The following PCDH15 variants were observed in gnomAD, a reference collection of about 807,000 sequenced individuals.
PCDH15 encodes the protein protocadherin-15.
PCDH15 carries 129 observed loss-of-function variants against 178.5 expected under a neutral mutation model. The observed-to-expected ratio is 0.72, with a 90% CI of 0.63 to 0.84. The LOEUF (loss-of-function observed/expected upper bound fraction) is 0.84, where lower values mean the gene tolerates loss of function less well. Ranked by LOEUF, PCDH15 falls within the 40% of genes least tolerant of loss-of-function variation. PCDH15 has a pLI of 0.00. For synonymous variants in PCDH15, 800 were observed against 732.0 expected (o/e 1.09, Z -1.50); for missense variants, 2,230 against 2,099.9 (o/e 1.06, Z -1.21).
intron 27 of PCDH15, among the ~76,000 whole-genome samples, chr10:53,865,018 T>C (rs984904009): frequency 3.9e-5 from 6 of 152,020 alleles, no homozygotes; most frequent in Non-Finnish European, 5.9e-5. Flanking sequence ...GGAGGATTGC[T>C]TGAGCCCAGG....
intron 2 of PCDH15, among the ~76,000 whole-genome samples, chr10:55,018,265 G>A (rs1034796750): frequency 1.3e-5 from 2 of 151,992 alleles, no homozygotes; most frequent in Non-Finnish European, 2.9e-5. Flanking sequence ...TTGTCTTTCA[G>A]TACAAAGAGC....
chr10:54,343,288 G>A (rs1422837302), intron 6 of PCDH15, among the ~76,000 whole-genome samples: 1 of 152,066 alleles, frequency 6.6e-6, no homozygotes, highest in Non-Finnish European at 1.5e-5. Flanking sequence ...TTGTGAGAGT[G>A]AGGGCATTCT....
At chr10:55,158,688 C>A in intron 2 of PCDH15, among the ~76,000 whole-genome samples, 1 of 90,676 alleles carries the variant, frequency 1.1e-5, no homozygotes, top group East Asian at 3.5e-4. Flanking sequence ...TCAATTTGTT[C>A]TAAGTAAAAA....
At chr10:54,724,285 A>G (rs983419069) in intron 1 of PCDH15, among the ~76,000 whole-genome samples, 1 of 151,690 alleles carries the variant, frequency 6.6e-6, no homozygotes, top group Non-Finnish European at 1.5e-5. Context: ...CTCAGAAAAT[A>G]AAATATTCCA....
chr10:54,291,849 G>T (rs1223684065), intron 8 of PCDH15, among the ~76,000 whole-genome samples: 1 of 151,936 alleles, frequency 6.6e-6, no homozygotes, highest in African/African-American at 2.4e-5. Context: ...AACCAAAAAA[G>T]GTCCAGGGCC....
chr10:54,743,808 T>A (rs1178447317), intron 1 of PCDH15, among the ~76,000 whole-genome samples: 1 of 146,656 alleles, frequency 6.8e-6, no homozygotes, highest in Non-Finnish European at 1.5e-5. Flanking sequence ...AATATTAGAT[T>A]TAGAAAAAAG....
chr10:54,053,788 G>A (rs2093827522), intron 18 of PCDH15, among the ~76,000 whole-genome samples: 1 of 152,126 alleles, frequency 6.6e-6, no homozygotes, highest in South Asian at 2.1e-4. Context: ...TAAGTTATTT[G>A]TTAGTTAGAG....
intron 2 of PCDH15, among the ~76,000 whole-genome samples, chr10:54,578,583 C>A (rs996624380): frequency 2.0e-5 from 3 of 152,024 alleles, no homozygotes; most frequent in Non-Finnish European, 4.4e-5. Context: ...AGTCAGTTAG[C>A]TGGTGTCAGT....
chr10:53,835,260 A>C (rs1183256403), intron 29 of PCDH15, among the ~76,000 whole-genome samples: 1 of 152,058 alleles, frequency 6.6e-6, no homozygotes, highest in Non-Finnish European at 1.5e-5. Flanking sequence ...GCAGTGTATA[A>C]AGTCTTTTTC....
chr10:55,157,923 G>C (rs1321216319), intron 2 of PCDH15, among the ~76,000 whole-genome samples: 7 of 148,378 alleles, frequency 4.7e-5, no homozygotes, highest in Non-Finnish European at 8.9e-5. Flanking sequence ...CATGCATGTT[G>C]TGCACATGTA....
intron 3 of PCDH15, among the ~76,000 whole-genome samples, chr10:54,880,173 T>C (rs1329607995): frequency 6.6e-6 from 1 of 152,126 alleles, no homozygotes; most frequent in Non-Finnish European, 1.5e-5. Context: ...ACTGTGAATA[T>C]TTCCCTGAAC....
At chr10:54,985,034 C>T (rs907803896) in intron 2 of PCDH15, among the ~76,000 whole-genome samples, 3 of 152,100 alleles carry the variant, frequency 2.0e-5, no homozygotes, top group Admixed American at 6.6e-5. Flanking sequence ...ACACCCTTTC[C>T]ACCCTCCCAG....
chr10:55,054,807 A>G (rs1486667936), intron 2 of PCDH15, among the ~76,000 whole-genome samples: 1 of 152,154 alleles, frequency 6.6e-6, no homozygotes, highest in Non-Finnish European at 1.5e-5. Context: ...GGCCACATAT[A>G]TGGTTTCTTT....
At chr10:54,751,028 A>C (rs1341027797) in intron 1 of PCDH15, among the ~76,000 whole-genome samples, 1 of 152,148 alleles carries the variant, frequency 6.6e-6, no homozygotes, top group Non-Finnish European at 1.5e-5. Context: ...CACATTTAAA[A>C]GAAATACCAG....
intron 2 of PCDH15, among the ~76,000 whole-genome samples, chr10:55,001,651 C>T (rs141104402): frequency 2.6e-4 from 40 of 152,238 alleles, no homozygotes; most frequent in African/African-American, 9.4e-4. Flanking sequence ...ACCTCATGCT[C>T]ACTCACTCAC....
chr10:54,332,921 T>C (rs1940154119), intron 6 of PCDH15, among the ~76,000 whole-genome samples: 1 of 152,078 alleles, frequency 6.6e-6, no homozygotes, highest in African/African-American at 2.4e-5. Context: ...ATTTTAATTT[T>C]ACTTTTTATA....
At chr10:54,167,138 G>A (rs7903275) in intron 13 of PCDH15, among the ~76,000 whole-genome samples, 45,203 of 152,004 alleles carry the variant, frequency 0.3, 7,073 homozygotes, top group African/African-American at 0.37. Flanking sequence ...ATTTGGTGCC[G>A]TGACTCGGAT....
chr10:53,934,651 C>G (rs2085402168), intron 25 of PCDH15, among the ~76,000 whole-genome samples: 1 of 151,344 alleles, frequency 6.6e-6, no homozygotes, highest in African/African-American at 2.4e-5. Context: ...ACGTGTGACA[C>G]ATGAAGAAGC....
chr10:55,403,731 A>G (rs548647617), intron 2 of PCDH15, among the ~76,000 whole-genome samples: 3 of 152,046 alleles, frequency 2.0e-5, no homozygotes, highest in South Asian at 2.1e-4. Context: ...ATAGCTTTGT[A>G]GTGTATTTCA....
Sources: allele counts gnomAD v4.1 joint callset (sites outside exome capture counted in the v4.1 genomes callset), GRCh38; gene constraint gnomAD v4.1.1; transcripts MANE v1.5; gene names NCBI Gene and HGNC (gene_info 2026-07-23, HGNC 2026-07-21).